CTNNA2: variants seen among roughly 807,000 people sequenced by gnomAD.
CTNNA2 encodes the protein catenin alpha 2.
A neutral mutation model predicts 101.0 loss-of-function variants in CTNNA2; 42 were observed. That is an observed-to-expected ratio of 0.42 (90% CI 0.32 to 0.54). The LOEUF (loss-of-function observed/expected upper bound fraction) is 0.54. CTNNA2 is among the 20% of genes least tolerant of loss of function. The pLI, the probability that CTNNA2 is intolerant of heterozygous loss-of-function variation, is 0.14. For missense variants in CTNNA2, 871 were observed against 1,223.1 expected, an observed-to-expected ratio of 0.71 and a Z score of 4.29; for synonymous variants, 450 against 456.4, an observed-to-expected ratio of 0.99 and a Z score of 0.18.
chr2:80,251,609 A>G (rs1671768858), intron 7 of CTNNA2, among the ~76,000 whole-genome samples: 1 of 152,162 alleles, frequency 6.6e-6, no homozygotes, highest in African/African-American at 2.4e-5. Flanking sequence ...AGGTGATATA[A>G]CTTCTCCTAA....
rs568743620 is a variant in CTNNA2 at position 79,281,313 on chromosome 2, T to C, written c.-405-31396T>C. 6.4e-4 allele frequency among the ~76,000 whole-genome samples: 97 copies of C among 152,264 alleles called. 1 individual carries two copies. In the South Asian group the frequency reaches 0.019, roughly 30 times the overall value. ...AAGAAGCTGGTCCCCATGGTGGTGA[T>C]CTAAAGATACTGGTCACTCATTCCT... On this transcript the variant is annotated intron_variant, in intron 2 of 21. Coordinates refer to the CTNNA2 transcript ENST00000466387.
intron 2 of CTNNA2, among the ~76,000 whole-genome samples, chr2:79,682,642 T>G (rs566642392): frequency 5.7e-4 from 87 of 152,286 alleles, no homozygotes; most frequent in African/African-American, 2.1e-3. Flanking sequence ...GGGGAAAATT[T>G]ATATACAAAT....
At chr2:80,357,238 T>TG (rs1177057359) in intron 7 of CTNNA2, among the ~76,000 whole-genome samples, 57 of 140,750 alleles carry the variant, frequency 4.0e-4, no homozygotes, top group African/African-American at 1.3e-3. Context: ...CATTTTTTTT[T>TG]TGTTTTTTTT....
intron 7 of CTNNA2, among the ~76,000 whole-genome samples, chr2:80,351,275 A>C (rs1285031665): frequency 1.3e-5 from 2 of 152,010 alleles, no homozygotes; most frequent in African/African-American, 4.8e-5. Context: ...TGGCTTTTTG[A>C]ACTAGGAAGC....
intron 7 of CTNNA2, among the ~76,000 whole-genome samples, chr2:80,300,101 A>G (rs1320730634): frequency 6.6e-6 from 1 of 152,138 alleles, no homozygotes; most frequent in Admixed American, 6.5e-5. Flanking sequence ...GGCAAACCCA[A>G]ATGATTATGC....
In CTNNA2 at chr2:79,530,268, A is replaced by T. The variant is rs185554985; in HGVS notation, c.-6+17061A>T. 1.1e-3 allele frequency among the ~76,000 whole-genome samples: 165 copies of T among 152,282 alleles called. 1 individual carries two copies. Among genetic ancestry groups the T allele is most frequent in the African/African-American group, 3.8e-3 (158 of 41,566 alleles). On this transcript the variant is annotated intron_variant, in intron 1 of 18. Coordinates refer to ENST00000402739, the MANE Select transcript of CTNNA2 (RefSeq NM_001282597.3). Reference sequence around the variant, plus strand: ...CTTGTGGGTTTAGTGGTTTGTGCAAAATATGTTTTCAGTAAAACAAAAAAA... The same window carrying T: ...CTTGTGGGTTTAGTGGTTTGTGCAATATATGTTTTCAGTAAAACAAAAAAA...
intron 9 of CTNNA2, among the ~76,000 whole-genome samples, chr2:80,523,096 G>C (rs1689710835): frequency 2.0e-5 from 3 of 152,118 alleles, no homozygotes; most frequent in Non-Finnish European, 4.4e-5. Flanking sequence ...ATGAAAATAG[G>C]GTCAGGGTGA....
chr2:79,275,836 GATAATTT>G (rs569186088), intron 2 of CTNNA2, among the ~76,000 whole-genome samples: 27 of 151,932 alleles, frequency 1.8e-4, no homozygotes, highest in African/African-American at 6.0e-4. Flanking sequence ...CCTGCCCTCA[GATAATTT>G]ATATTCAGAG....
chr2:79,682,851 T>C (rs1176640630), intron 2 of CTNNA2, among the ~76,000 whole-genome samples: 4 of 152,198 alleles, frequency 2.6e-5, no homozygotes, highest in Admixed American at 2.6e-4. Context: ...AAGCCTTATA[T>C]TAAATAAAAA....
rs576283883 is a variant in CTNNA2, at chr2:80,099,814, C to T, written c.1056+190017C>T. On this transcript the variant is annotated intron_variant, in intron 7 of 18. Coordinates refer to ENST00000402739, the MANE Select transcript of CTNNA2 (RefSeq NM_001282597.3). ...CTGGAGACAACCTGCTACAGATTCA[C>T]GGGGTGGAGAGATGGAAGATGGAAG... 2.7e-4 allele frequency among the ~76,000 whole-genome samples: 40 copies of T among 150,858 alleles called. No homozygotes were observed. The East Asian group carries it at 5.9e-3, about 22-fold the overall frequency.
At chr2:79,490,067 A>G (rs1443245647) in intron 4 of CTNNA2, among the ~76,000 whole-genome samples, 1 of 152,184 alleles carries the variant, frequency 6.6e-6, no homozygotes, top group East Asian at 1.9e-4. Context: ...TGCCAATTTC[A>G]TCAATAAAAT....
At chr2:80,186,356 A>G (rs372617219) in intron 7 of CTNNA2, among the ~76,000 whole-genome samples, 8 of 152,278 alleles carry the variant, frequency 5.3e-5, no homozygotes, top group Admixed American at 3.9e-4. Flanking sequence ...TTAATGGCCC[A>G]TGTGATTTGT....
In CTNNA2 at chr2:79,704,625, G is replaced by A. The variant is rs1028173048; in HGVS notation, c.103-39762G>A. Among the ~76,000 whole-genome samples the A allele has an allele frequency of 4.7e-5, 7 of 148,834 alleles. No individual in the cohort carries two copies. In the East Asian group the frequency reaches 1.0e-3, roughly 21 times the overall value. On this transcript the variant is annotated intron_variant, in intron 2 of 18. Transcript: ENST00000402739. ...CCTCCCGGGTTCACGCCATTCTCCT[G>A]CCTCAGCCTCCCAAGTAGCTGGGAC...
intron 7 of CTNNA2, among the ~76,000 whole-genome samples, chr2:80,377,731 G>A (rs1268929990): frequency 6.6e-6 from 1 of 152,218 alleles, no homozygotes; most frequent in Non-Finnish European, 1.5e-5. Flanking sequence ...AGGAGACTAA[G>A]ATGAACCTTG....
At chr2:79,974,087 T>G (rs1230829835) in intron 7 of CTNNA2, among the ~76,000 whole-genome samples, 1 of 152,132 alleles carries the variant, frequency 6.6e-6, no homozygotes, top group Non-Finnish European at 1.5e-5. Context: ...TCTTCAACTC[T>G]TTTTGTCATT....
intron 1 of CTNNA2, among the ~76,000 whole-genome samples, chr2:79,629,365 A>C (rs1449658768): frequency 1.3e-5 from 2 of 152,246 alleles, no homozygotes; most frequent in African/African-American, 4.8e-5. Context: ...AAGCTCTTTC[A>C]GGCTTTTTGA....
At chr2:80,596,247 C>G (rs1207230475) in intron 15 of CTNNA2, among the ~76,000 whole-genome samples, 1 of 103,436 alleles carries the variant, frequency 9.7e-6, no homozygotes, top group African/African-American at 3.7e-5. Context: ...TGCTTATCGA[C>G]TTAAGGAGTT....
intron 2 of CTNNA2, among the ~76,000 whole-genome samples, chr2:79,244,054 C>T (rs1387841465): frequency 6.6e-6 from 1 of 152,108 alleles, no homozygotes; most frequent in Non-Finnish European, 1.5e-5. Context: ...GTTTTATGCC[C>T]TCTCCTAGCT....
intron 1 of CTNNA2, among the ~76,000 whole-genome samples, chr2:79,579,706 C>T (rs1676029267): frequency 6.6e-6 from 1 of 152,146 alleles, no homozygotes; most frequent in South Asian, 2.1e-4. Context: ...CCTCCTCCTC[C>T]TGGGTTCAAG....
Sources: allele counts gnomAD v4.1 joint callset (sites outside exome capture counted in the v4.1 genomes callset), GRCh38; gene constraint gnomAD v4.1.1; transcripts MANE v1.5; gene names NCBI Gene and HGNC (gene_info 2026-07-23, HGNC 2026-07-21).